The following CLEC6A variants were observed in gnomAD, a reference collection of about 807,000 sequenced individuals.
CLEC6A encodes the protein C-type lectin domain containing 6A, also known as C-type lectin domain family 6 member A.
Under a neutral mutation model 25.7 loss-of-function variants are expected in CLEC6A, and 22 were observed. The ratio of observed to expected loss-of-function variants is 0.85; its 90% CI spans 0.61 to 1.22. The LOEUF is 1.22. Among genes scored for constraint, CLEC6A ranks in the 50% most tolerant of loss-of-function variants. The pLI is 0.00. For synonymous variants in CLEC6A, 92 were observed against 76.7 expected (o/e 1.20, Z -1.04); for missense variants, 240 against 236.8 (o/e 1.01, Z -0.09).
intron 5 of CLEC6A, among the ~76,000 whole-genome samples, chr12:8,476,636 T>C (rs1477979957): frequency 6.6e-6 from 1 of 152,116 alleles, no homozygotes; most frequent in African/African-American, 2.4e-5. Flanking sequence ...AAAAATTACA[T>C]AATAATACTA....
chr12:8,476,722 AG>A lies in CLEC6A; in HGVS notation c.485+485del, dbSNP rs774544632. 1.8e-4 allele frequency among the ~76,000 whole-genome samples: 28 copies of A among 152,278 alleles called. 1 individual carries two copies. The South Asian group carries it at 3.7e-3, about 20-fold the overall frequency. Reference sequence around the variant, plus strand: ...TCTTCCAAAATCTTGTGAGTTAGTTAGGGACCTTATTATAATTCCCATTTTT... The same window carrying A: ...TCTTCCAAAATCTTGTGAGTTAGTTAGGACCTTATTATAATTCCCATTTTT... On this transcript the variant is annotated intron_variant, in intron 5 of 5. Transcript: ENST00000382073.
intron 4 of CLEC6A, among the ~76,000 whole-genome samples, chr12:8,467,744 G>T (rs1477410089): frequency 6.6e-6 from 1 of 152,072 alleles, no homozygotes; most frequent in African/African-American, 2.4e-5. Flanking sequence ...TTTTGGTAGG[G>T]ATCACATTGA....
At chr12:8,467,344 A>C (rs1047539033) in intron 4 of CLEC6A, among the ~76,000 whole-genome samples, 1 of 152,156 alleles carries the variant, frequency 6.6e-6, no homozygotes, top group Non-Finnish European at 1.5e-5. Context: ...TAGGTCTTTA[A>C]AACATTTTGA....
intron 4 of CLEC6A, among the ~76,000 whole-genome samples, 186 bp downstream of exon 4, chr12:8,465,815 C>T (rs990848014): frequency 7.2e-5 from 11 of 152,166 alleles, no homozygotes; most frequent in African/African-American, 2.7e-4. Context: ...AACAACTACC[C>T]ATTTCCCCAT....
rs1939831746 is a variant in CLEC6A, at chr12:8,466,472, A to G, written c.369+843A>G. Among the ~76,000 whole-genome samples, 3 of 152,192 alleles carry G rather than the reference A, an allele frequency of 2.0e-5. No homozygotes were observed. In the South Asian group the frequency reaches 6.2e-4, roughly 32 times the overall value. ...TTTGAGGAACCTTCATACTGTTTTC[A>G]TGATGACTGTGCCATTTAACATCAC... is the stretch of plus-strand genomic sequence containing the variant. On this transcript the variant is annotated intron_variant, in intron 4 of 5. Transcript: ENST00000382073.
intron 4 of CLEC6A, 38 bp downstream of exon 4, chr12:8,465,667 A>G (rs1213572322): frequency 6.4e-7 from 1 of 1,568,610 alleles, no homozygotes. Context: ...ATTGTAGAGA[A>G]AACACACAAT....
At chr12:8,463,440 A>G in intron 3 of CLEC6A, among the ~76,000 whole-genome samples, 1 of 152,230 alleles carries the variant, frequency 6.6e-6, no homozygotes, top group Non-Finnish European at 1.5e-5. Flanking sequence ...CCTATTTTCC[A>G]ATTTAATGAC....
chr12:8,466,118 A>G (rs1485612256), intron 4 of CLEC6A, among the ~76,000 whole-genome samples: 2 of 152,200 alleles, frequency 1.3e-5, no homozygotes, highest in Non-Finnish European at 2.9e-5. Flanking sequence ...CACCAAAAGT[A>G]GTATATATTT....
intron 3 of CLEC6A, among the ~76,000 whole-genome samples, chr12:8,461,950 C>A (rs149323592): frequency 0.023 from 3,554 of 152,192 alleles, 138 homozygotes; most frequent in African/African-American, 0.081. Context: ...AAAGAAAGAG[C>A]GATCAGATTG....
At chr12:8,463,659 A>G (rs957696657) in intron 3 of CLEC6A, among the ~76,000 whole-genome samples, 2 of 152,248 alleles carry the variant, frequency 1.3e-5, no homozygotes, top group Non-Finnish European at 2.9e-5. Context: ...AAGAAATATT[A>G]TAGAATAATT....
At chr12:8,475,994 G>A (rs1326001874) in intron 4 of CLEC6A, 131 bp from the exon 5 acceptor site, 1 of 549,946 alleles carries the variant, frequency 1.8e-6, no homozygotes. Context: ...CTGGTCAGAA[G>A]GCCATCATGT....
intron 3 of CLEC6A, chr12:8,460,715 T>C (rs1244830868): frequency 6.8e-7 from 1 of 1,473,688 alleles, no homozygotes; most frequent in Non-Finnish European, 9.5e-7. Flanking sequence ...TACCGCCAGC[T>C]CTCTGCTCTC....
chr12:8,456,649 A>G (rs1252591236), intron 1 of CLEC6A, among the ~76,000 whole-genome samples: 1 of 152,212 alleles, frequency 6.6e-6, no homozygotes, highest in Non-Finnish European at 1.5e-5. Flanking sequence ...TATGGATACA[A>G]AATAGTTGTG....
At position 8,476,167 on chromosome 12, in the gene CLEC6A, C is replaced by T; in HGVS notation, c.412C>T (p.Leu138=). The change falls in exon 5 of 6, where the codon CTG becomes TTG. Residue 138 remains leucine, a synonymous_variant. Transcript: ENST00000382073. ...QQLNESFSYF[L]GLSDPQGNNN... is the part of the protein sequence containing the mutation. Reference sequence around the variant, plus strand: ...GCTGAATGAGTCATTTTCTTATTTTCTGGGGCTTTCAGACCCACAAGGTAA... The same window carrying T: ...GCTGAATGAGTCATTTTCTTATTTTTTGGGGCTTTCAGACCCACAAGGTAA... 1.2e-6 allele frequency: 2 copies of T among 1,609,464 alleles called. No homozygotes were observed. The highest frequency in any genetic ancestry group is 1.7e-6 in the Non-Finnish European group (2 of 1,178,594).
intron 3 of CLEC6A, among the ~76,000 whole-genome samples, chr12:8,463,722 C>A (rs1210797693): frequency 6.6e-5 from 10 of 152,222 alleles, no homozygotes; most frequent in African/African-American, 2.4e-4. Context: ...CAAAGGTATA[C>A]CAAAAAGTGT....
chr12:8,463,798 G>C (rs192606462), intron 3 of CLEC6A, among the ~76,000 whole-genome samples: 128 of 152,298 alleles, frequency 8.4e-4, no homozygotes, highest in Non-Finnish European at 1.5e-3. Context: ...AAAGTAACGT[G>C]ATCAGCTCAT....
In CLEC6A at chr12:8,459,709, A is replaced by G. The variant is rs778329997; in HGVS notation, c.223+11A>G. The G allele has an allele frequency of 3.9e-6, 6 of 1,532,710 alleles. No homozygotes were observed. The East Asian group carries it at 1.3e-4, about 34-fold the overall frequency. 94.9% of individuals were successfully genotyped at this position (1,532,710 alleles called of 1,614,324 possible). A position where few individuals can be genotyped will look rare whatever the true frequency, so the allele number is the denominator to read the frequency against. ...GGACAAAGGTGCCAGGTAAATCTTT[A>G]AAATACTGAAATAGACTTTCTTTTT... On this transcript the variant is annotated intron_variant, in intron 3 of 5. Coordinates refer to ENST00000382073, the MANE Select transcript of CLEC6A (RefSeq NM_001007033.2).
chr12:8,462,102 T>A (rs1444151241), intron 3 of CLEC6A, among the ~76,000 whole-genome samples: 1 of 152,190 alleles, frequency 6.6e-6, no homozygotes, highest in Non-Finnish European at 1.5e-5. Flanking sequence ...CTGTGTCAAC[T>A]CAGGGTTAAA....
chr12:8,460,533 A>T (rs1939739039), intron 3 of CLEC6A: 6 of 687,708 alleles, frequency 8.7e-6, no homozygotes, highest in African/African-American at 1.8e-5. Context: ...ATTTGGGTGG[A>T]GACAGAGAAC....
Sources: allele counts gnomAD v4.1 joint callset (sites outside exome capture counted in the v4.1 genomes callset), GRCh38; gene constraint gnomAD v4.1.1; transcripts MANE v1.5; gene names NCBI Gene and HGNC (gene_info 2026-07-23, HGNC 2026-07-21).